Variants in CCDC171 observed in about 807,000 individuals in gnomAD.
CCDC171 encodes coiled-coil domain containing 171.
In CCDC171, 177 loss-of-function variants were observed where a neutral mutation model predicts 168.2. The ratio of observed to expected loss-of-function variants is 1.05; its 90% CI spans 0.93 to 1.19. The LOEUF (loss-of-function observed/expected upper bound fraction) is 1.19. CCDC171 is among the 50% of genes most tolerant of loss of function. The pLI is 0.00. For synonymous variants in CCDC171, 687 were observed against 540.8 expected, an observed-to-expected ratio of 1.27 and a Z score of -3.75; for missense variants, 1,991 against 1,539.0, an observed-to-expected ratio of 1.29 and a Z score of -4.91.
chr9:15,790,366 A>C (rs1459027229), intron 21 of CCDC171, among the ~76,000 whole-genome samples: 1 of 152,072 alleles, frequency 6.6e-6, no homozygotes, highest in Non-Finnish European at 1.5e-5. Flanking sequence ...GCATTTTTTC[A>C]TGTGTCTGTT....
chr9:15,599,935 C>T (rs183941203), intron 6 of CCDC171, among the ~76,000 whole-genome samples: 5 of 152,074 alleles, frequency 3.3e-5, no homozygotes, highest in East Asian at 1.9e-4. Context: ...TCCAGTTGAT[C>T]GAATCGGCTA....
intron 2 of CCDC171, among the ~76,000 whole-genome samples, chr9:15,568,413 G>A (rs1251252886): frequency 1.3e-5 from 2 of 150,762 alleles, no homozygotes; most frequent in African/African-American, 2.4e-5. Context: ...TGGGACTACA[G>A]GTGCCCGCCA....
At chr9:15,774,307 T>C (rs1158310114) in intron 18 of CCDC171, among the ~76,000 whole-genome samples, 2 of 97,932 alleles carry the variant, frequency 2.0e-5, no homozygotes, top group Non-Finnish European at 4.2e-5. Context: ...AGGACGTGAA[T>C]AGACAATTCT....
intron 6 of CCDC171, among the ~76,000 whole-genome samples, chr9:16,033,376 C>G (rs932428841): frequency 9.9e-5 from 15 of 152,138 alleles, no homozygotes; most frequent in Non-Finnish European, 1.9e-4. Flanking sequence ...CATTACGGCC[C>G]GAGCTCCACC....
chr9:15,673,876 G>A (rs1451361224), intron 9 of CCDC171, among the ~76,000 whole-genome samples: 1 of 152,178 alleles, frequency 6.6e-6, no homozygotes, highest in Non-Finnish European at 1.5e-5. Context: ...ATGAGTTAAG[G>A]AGGATTCCCT....
At position 15,874,545 on chromosome 9, in the gene CCDC171, T is replaced by A. The variant is rs1817591760; in HGVS notation, c.3482T>A (p.Ile1161Asn). 1 of 1,603,150 alleles carries A rather than the reference T, an allele frequency of 6.2e-7. No individual in the cohort carries two copies. Residue 1161 changes from isoleucine (I) to asparagine (N), a missense_variant, in exon 24 of 26, where the codon ATC (isoleucine) becomes AAC (asparagine). By Grantham distance (149) the Ile-to-Asn change is moderately radical (BLOSUM62 -3). Coordinates refer to ENST00000380701, the MANE Select transcript of CCDC171 (RefSeq NM_173550.4). ...ENTLHKVRDQ[I>N]SLSWSAASRN... ...TTTTCCCTTTAGGTCAGAGATCAGA[T>A]CTCGCTGTCATGGTCTGCGGCAAGT... is the stretch of plus-strand genomic sequence containing the variant.
intron 6 of CCDC171, among the ~76,000 whole-genome samples, chr9:16,035,075 G>C (rs1468221361): frequency 6.6e-6 from 1 of 152,136 alleles, no homozygotes; most frequent in East Asian, 1.9e-4. Flanking sequence ...TATATACTGA[G>C]AATAAAGAAA....
chr9:15,880,801 A>G (rs1355283151), intron 24 of CCDC171, among the ~76,000 whole-genome samples: 1 of 152,138 alleles, frequency 6.6e-6, no homozygotes, highest in Non-Finnish European at 1.5e-5. Flanking sequence ...TTTTACATTG[A>G]AAAATATTAA....
intron 6 of CCDC171, among the ~76,000 whole-genome samples, chr9:15,617,667 C>T (rs1303446624): frequency 3.3e-5 from 5 of 152,124 alleles, no homozygotes; most frequent in East Asian, 1.9e-4. Flanking sequence ...TGAGCCACCA[C>T]GCCCGGCCTG....
At chr9:15,605,832 C>T (rs1054477009) in intron 6 of CCDC171, among the ~76,000 whole-genome samples, 10 of 152,112 alleles carry the variant, frequency 6.6e-5, no homozygotes, top group African/African-American at 2.2e-4. Flanking sequence ...TGATACACCT[C>T]AATAATATTT....
chr9:15,905,107 G>A (rs984943253), intron 24 of CCDC171, among the ~76,000 whole-genome samples: 1 of 152,222 alleles, frequency 6.6e-6, no homozygotes, highest in African/African-American at 2.4e-5. Context: ...ACATTAGACA[G>A]ATCAACGAGA....
intron 2 of CCDC171, among the ~76,000 whole-genome samples, chr9:15,569,659 CA>C (rs2040042778): frequency 6.6e-6 from 1 of 151,482 alleles, no homozygotes; most frequent in Non-Finnish European, 1.5e-5. Context: ...ACTAAAAATG[CA>C]AAAAATTAGC....
At chr9:16,043,732 A>G (rs980093243) in intron 1 of CCDC171, among the ~76,000 whole-genome samples, 7 of 152,212 alleles carry the variant, frequency 4.6e-5, no homozygotes, top group Non-Finnish European at 8.8e-5. Context: ...TTTTCCTACA[A>G]TAGTGCTTGT....
chr9:16,059,886 C>A (rs528640665), intron 1 of CCDC171, among the ~76,000 whole-genome samples: 1 of 152,098 alleles, frequency 6.6e-6, no homozygotes, highest in Admixed American at 6.5e-5. Context: ...CCCAAGCTCA[C>A]CCAAACTGGT....
the CCDC171 span, among the ~76,000 whole-genome samples, chr9:16,089,278 A>G: frequency 6.1e-4 from 92 of 151,842 alleles, no homozygotes; most frequent in African/African-American, 2.1e-3. Flanking sequence ...CCTAGGCAAT[A>G]CTATTCAGGA....
At chr9:15,561,956 C>G (rs192224313) in intron 1 of CCDC171, among the ~76,000 whole-genome samples, 1 of 152,196 alleles carries the variant, frequency 6.6e-6, no homozygotes, top group East Asian at 1.9e-4. Flanking sequence ...CAGTTCTTTG[C>G]CATGTGGCTT....
chr9:15,747,646 C>G (rs1004443082), intron 18 of CCDC171, among the ~76,000 whole-genome samples: 1 of 152,192 alleles, frequency 6.6e-6, no homozygotes, highest in African/African-American at 2.4e-5. Flanking sequence ...TCCAACAGAT[C>G]TGCAGCTGAG....
chr9:15,819,206 A>G (rs2059672277), intron 21 of CCDC171, among the ~76,000 whole-genome samples: 1 of 118,152 alleles, frequency 8.5e-6, no homozygotes, highest in South Asian at 2.8e-4. Flanking sequence ...CTAAACATGG[A>G]AAGGAACAAC....
chr9:15,899,214 TCA>T (rs142131392), intron 24 of CCDC171, among the ~76,000 whole-genome samples: 2,573 of 152,306 alleles, frequency 0.017, 86 homozygotes, highest in African/African-American at 0.059. Flanking sequence ...TATGGATGTA[TCA>T]CAGTTTGTTT....
Sources: allele counts gnomAD v4.1 joint callset (sites outside exome capture counted in the v4.1 genomes callset), GRCh38; gene constraint gnomAD v4.1.1; transcripts MANE v1.5; gene names NCBI Gene and HGNC (gene_info 2026-07-23, HGNC 2026-07-21).